The following SNED1 variants were observed in gnomAD, a reference collection of about 807,000 sequenced individuals.
SNED1 encodes sushi, nidogen and EGF-like domain-containing protein 1.
A neutral mutation model predicts 166.7 loss-of-function variants in SNED1; 81 were observed. That is an observed-to-expected ratio of 0.49 (90% CI 0.41 to 0.58). The LOEUF (loss-of-function observed/expected upper bound fraction) is 0.58, where lower values mean the gene tolerates loss of function less well. SNED1 is among the 20% of genes least tolerant of loss of function. The pLI is 0.00. For synonymous variants in SNED1, 762 were observed against 822.0 expected (o/e 0.93, Z 1.25); for missense variants, 1,604 against 2,000.2 (o/e 0.80, Z 3.78).
intron 12 of SNED1, among the ~76,000 whole-genome samples, chr2:241,050,552 C>T (rs2061806022): frequency 6.6e-6 from 1 of 152,214 alleles, no homozygotes. Flanking sequence ...GTGGAGCCTT[C>T]CACGGCCCCT....
chr2:241,089,438 T>C (rs537995043), intron 31 of SNED1: 17 of 1,548,376 alleles, frequency 1.1e-5, no homozygotes, highest in Admixed American at 2.0e-5. Flanking sequence ...TTTTCAGATA[T>C]AGGCTCACAC....
intron 1 of SNED1, among the ~76,000 whole-genome samples, chr2:241,027,463 A>C: frequency 6.6e-6 from 1 of 152,200 alleles, no homozygotes; most frequent in East Asian, 1.9e-4. Context: ...TCCTCAGTGG[A>C]CACTCAGGTT....
intron 16 of SNED1, among the ~76,000 whole-genome samples, chr2:241,059,480 C>T (rs1047122776): frequency 6.6e-6 from 1 of 152,182 alleles, no homozygotes; most frequent in Non-Finnish European, 1.5e-5. Flanking sequence ...ACAGACACTA[C>T]AAAATTTGAA....
At chr2:241,045,846 A>G (rs1360125801) in intron 8 of SNED1, among the ~76,000 whole-genome samples, 2 of 152,232 alleles carry the variant, frequency 1.3e-5, no homozygotes, top group African/African-American at 4.8e-5. Context: ...TGTGAAAGAC[A>G]TGGTTAAAAG....
intron 16 of SNED1, among the ~76,000 whole-genome samples, chr2:241,054,486 T>G (rs2061984064): frequency 6.6e-6 from 1 of 152,102 alleles, no homozygotes; most frequent in African/African-American, 2.4e-5. Flanking sequence ...GGAGATCACT[T>G]GAACCTGGGA....
chr2:241,060,125 T>C (rs1032661571), intron 16 of SNED1, among the ~76,000 whole-genome samples: 4 of 152,024 alleles, frequency 2.6e-5, no homozygotes, highest in Non-Finnish European at 5.9e-5. Flanking sequence ...ATCAAAAACA[T>C]GATAAATTTT....
rs71404676 is a variant in SNED1 at position 241,026,009 on chromosome 2, C to CTTTTTTTTTTT, written c.214-4261_214-4251dup. On this transcript the variant is annotated intron_variant, in intron 1 of 31. Coordinates refer to ENST00000310397, the MANE Select transcript of SNED1 (RefSeq NM_001080437.3). ...TTGATGTGGCTTTGTTTTTCTTTTCCTTTTTTTTTTTTTTTTTTTTTTTTG... is the reference window on the plus strand; with the variant it reads ...TTGATGTGGCTTTGTTTTTCTTTTCCTTTTTTTTTTTTTTTTTTTTTTTTTTTTTTTTTTTG... Among the ~76,000 whole-genome samples, 159 of 73,584 alleles carry CTTTTTTTTTTT rather than the reference C, an allele frequency of 2.2e-3. 18 individuals carry two copies. The highest frequency in any genetic ancestry group is 7.3e-3 in the East Asian group (14 of 1,922). 48.3% of individuals were successfully genotyped at this position (73,584 alleles called of 152,430 possible). A position where few individuals can be genotyped will look rare whatever the true frequency, so the allele number is the denominator to read the frequency against.
chr2:241,025,455 G>T (rs1574910020), intron 1 of SNED1, among the ~76,000 whole-genome samples: 2 of 152,286 alleles, frequency 1.3e-5, no homozygotes, highest in East Asian at 3.9e-4. Flanking sequence ...CCTGGGAAAT[G>T]CAATGACCTT....
chr2:241,022,365 AC>A (rs1416155293), intron 1 of SNED1, among the ~76,000 whole-genome samples: 1 of 152,232 alleles, frequency 6.6e-6, no homozygotes, highest in Non-Finnish European at 1.5e-5. Flanking sequence ...TTTAGCTCTT[AC>A]ATTAGGTCTT....
At chr2:241,001,312 C>T (rs746031428) in intron 1 of SNED1, among the ~76,000 whole-genome samples, 5 of 152,274 alleles carry the variant, frequency 3.3e-5, no homozygotes, top group Non-Finnish European at 5.9e-5. Context: ...AGTGCTCTTG[C>T]ATGAGATGGG....
chr2:241,020,640 G>A (rs1441758216), intron 1 of SNED1, among the ~76,000 whole-genome samples: 1 of 152,212 alleles, frequency 6.6e-6, no homozygotes, highest in African/African-American at 2.4e-5. Flanking sequence ...AAATGGGGGT[G>A]TCAGGTCAGT....
Position 241,075,773 on chromosome 2 carries a change from A to C in SNED1, c.3916+2409A>C, listed in dbSNP as rs2062990327. ...TTAAAAAATATCCTTCCCCACACCA[A>C]AGTTAGAAAGTTATTCATGTATATT... On this transcript the variant is annotated intron_variant, in intron 27 of 31. Coordinates refer to ENST00000310397, the MANE Select transcript of SNED1 (RefSeq NM_001080437.3). The surrounding 1 kb of genome is among the most constrained non-coding windows in gnomAD (Gnocchi z 4.8). 6.6e-6 allele frequency: 1 copy of C among 151,840 alleles called. No homozygotes were observed. Among genetic ancestry groups the C allele is most frequent in the Non-Finnish European group, 1.5e-5 (1 of 67,966 alleles). 9.4% of individuals were successfully genotyped at this position (151,840 alleles called of 1,614,324 possible). A position where few individuals can be genotyped will look rare whatever the true frequency, so the allele number is the denominator to read the frequency against.
chr2:241,007,481 G>C lies in SNED1; in HGVS notation c.213+8431G>C, dbSNP rs529737275. On this transcript the variant is annotated intron_variant, in intron 1 of 31. Coordinates refer to ENST00000310397, the MANE Select transcript of SNED1 (RefSeq NM_001080437.3). ...TTTAGTATTAAATGTATTTATTTTT[G>C]TCTGTTTTGTTCGCTGTGCTGTCAG... Among the ~76,000 whole-genome samples the C allele has an allele frequency of 5.9e-5, 9 of 152,276 alleles. No individual in the cohort carries two copies. The South Asian group carries it at 1.9e-3, about 32-fold the overall frequency.
rs1299327929 is a variant in SNED1, at chr2:241,094,438, GA to G, written c.*2806del. On this transcript the variant is annotated 3_prime_UTR_variant, in exon 32 of 32. Transcript: ENST00000310397. This position sits in a 1 kb window ranked among gnomAD's most constrained non-coding sequence, Gnocchi z 4.3. Reference sequence around the variant, plus strand: ...CACGCTGTAAGACGAGGCTGCTGGAGAAAACAAAAGCACCTAGATTTCAGTG... The same window carrying G: ...CACGCTGTAAGACGAGGCTGCTGGAGAAACAAAAGCACCTAGATTTCAGTG... 4.2e-6 allele frequency: 2 copies of G among 470,592 alleles called. No homozygotes were observed. The highest frequency in any genetic ancestry group is 8.8e-6 in the Non-Finnish European group (2 of 226,836). 29.2% of individuals were successfully genotyped at this position (470,592 alleles called of 1,614,324 possible). A position where few individuals can be genotyped will look rare whatever the true frequency, so the allele number is the denominator to read the frequency against.
chr2:241,021,441 A>C (rs1574896462), intron 1 of SNED1, among the ~76,000 whole-genome samples: 1 of 151,742 alleles, frequency 6.6e-6, no homozygotes, highest in Non-Finnish European at 1.5e-5. Flanking sequence ...TAGCCCTCAC[A>C]CCCCAGCCCC....
At chr2:241,046,002 G>A (rs2061635041) in intron 8 of SNED1, among the ~76,000 whole-genome samples, 1 of 152,100 alleles carries the variant, frequency 6.6e-6, no homozygotes, top group Admixed American at 6.5e-5. Context: ...CAAAAGACTT[G>A]AACGGATACT....
intron 16 of SNED1, among the ~76,000 whole-genome samples, chr2:241,061,666 C>T (rs2062233609): frequency 1.3e-5 from 2 of 152,072 alleles, no homozygotes; most frequent in South Asian, 4.2e-4. Flanking sequence ...GCAGGCGGAT[C>T]ACGAAGTCAG....
intron 11 of SNED1, among the ~76,000 whole-genome samples, chr2:241,049,532 G>T (rs779809326): frequency 6.6e-6 from 1 of 152,226 alleles, no homozygotes; most frequent in Non-Finnish European, 1.5e-5. Context: ...ATAATGATGT[G>T]ATGCTGGCAG....
intron 27 of SNED1, among the ~76,000 whole-genome samples, chr2:241,080,183 C>G (rs184046539): frequency 6.6e-6 from 1 of 152,174 alleles, no homozygotes; most frequent in Non-Finnish European, 1.5e-5. Context: ...ACTCGGGAGG[C>G]TGAGGTGGGA....
Sources: gnomAD v4.1 joint callset for allele counts (sites outside exome capture counted in the v4.1 genomes callset) on GRCh38, gnomAD v4.1.1 for gene constraint, Gnocchi (gnomAD v3.1) non-coding constraint, MANE v1.5 for transcripts, NCBI Gene and HGNC (gene_info 2026-07-23, HGNC 2026-07-21) for gene names.